TET3: variants seen among roughly 807,000 people sequenced by gnomAD.
The protein encoded by TET3 is tet methylcytosine dioxygenase 3, also known as methylcytosine dioxygenase TET3.
Under a neutral mutation model 141.4 loss-of-function variants are expected in TET3, and 19 were observed. That is an observed-to-expected ratio of 0.13 (90% CI 0.09 to 0.20). The LOEUF is 0.20. Among genes scored for constraint, TET3 ranks in the 10% least tolerant of loss-of-function variants. The probability of loss-of-function intolerance (pLI) is 1.00; values close to 1 mark genes in which losing one functional copy is unlikely to be tolerated. For synonymous variants in TET3, 1,043 were observed against 980.9 expected (o/e 1.06, Z -1.18); for missense variants, 1,874 against 2,356.9 (o/e 0.80, Z 4.24).
intron 2 of TET3, among the ~76,000 whole-genome samples, chr2:73,988,659 C>G (rs1204969861): frequency 6.6e-6 from 1 of 152,162 alleles, no homozygotes; most frequent in Non-Finnish European, 1.5e-5. Flanking sequence ...CCTCTCTAAG[C>G]CCCAGGGTCA....
chr2:74,080,293 G>T (rs1689737287), intron 5 of TET3, among the ~76,000 whole-genome samples: 1 of 152,232 alleles, frequency 6.6e-6, no homozygotes, highest in Non-Finnish European at 1.5e-5. Context: ...AGAAGGGGCA[G>T]GTGAACCTGG....
chr2:74,072,648 C>T (rs777631557), intron 4 of TET3, among the ~76,000 whole-genome samples: 2 of 152,018 alleles, frequency 1.3e-5, no homozygotes, highest in Non-Finnish European at 2.9e-5. Flanking sequence ...AGTTTAGTGG[C>T]ATTAATTACA....
the TET3 span, chr2:74,135,458 C>T: frequency 1.6e-6 from 2 of 1,278,702 alleles, no homozygotes; most frequent in South Asian, 1.2e-5. Context: ...ATAGATTATA[C>T]ATCTTCTATA....
At chr2:73,987,060 G>A (rs954485741) in intron 2 of TET3, among the ~76,000 whole-genome samples, 1 of 152,210 alleles carries the variant, frequency 6.6e-6, no homozygotes, top group Admixed American at 6.5e-5. Flanking sequence ...TGGTCAGTGA[G>A]GGTGTAAGAT....
intron 8 of TET3, among the ~76,000 whole-genome samples, chr2:74,092,261 A>G (rs1422541416): frequency 6.6e-6 from 1 of 152,196 alleles, no homozygotes; most frequent in East Asian, 1.9e-4. Flanking sequence ...AGATAATGCC[A>G]CTGCACCCCA....
intron 7 of TET3, among the ~76,000 whole-genome samples, 162 bp from the exon 8 acceptor site, chr2:74,089,735 A>C (rs1690371507): frequency 6.6e-6 from 1 of 152,218 alleles, no homozygotes; most frequent in African/African-American, 2.4e-5. Flanking sequence ...TTCCTACTCA[A>C]GGAAACTTGA....
chr2:74,007,094 A>C (rs1184104305), intron 3 of TET3, among the ~76,000 whole-genome samples: 5 of 152,216 alleles, frequency 3.3e-5, no homozygotes, highest in South Asian at 2.1e-4. Context: ...ATTCTCACAA[A>C]ACCATTGGAA....
chr2:74,059,893 AT>A (rs930563856), intron 4 of TET3, among the ~76,000 whole-genome samples: 3 of 151,994 alleles, frequency 2.0e-5, no homozygotes, highest in African/African-American at 7.2e-5. Flanking sequence ...ACAGCATTCC[AT>A]TTTTTGAATA....
chr2:74,090,702 G>A (rs185196294), intron 8 of TET3, among the ~76,000 whole-genome samples: 163 of 152,338 alleles, frequency 1.1e-3, no homozygotes, highest in African/African-American at 3.8e-3. Flanking sequence ...GGCTGTGGGG[G>A]CCGGAGCATC....
chr2:74,097,835 G>T (rs939632786), intron 10 of TET3, among the ~76,000 whole-genome samples: 1 of 152,134 alleles, frequency 6.6e-6, no homozygotes, highest in Non-Finnish European at 1.5e-5. Context: ...GGATTTGCTG[G>T]TTCATATATC....
At chr2:73,990,089 G>A (rs1300291538) in intron 2 of TET3, among the ~76,000 whole-genome samples, 1 of 151,922 alleles carries the variant, frequency 6.6e-6, no homozygotes, top group Non-Finnish European at 1.5e-5. Context: ...ATTAGTCTTC[G>A]AGCTGTAAAG....
At position 74,104,852 on chromosome 2, in the gene TET3, G is replaced by C; in HGVS notation, c.*2676G>C. On this transcript the variant is annotated 3_prime_UTR_variant, in exon 12 of 12. Coordinates refer to ENST00000409262, the MANE Select transcript of TET3 (RefSeq NM_001287491.2). ...TAGGAGATAGGCTGCTGAGAGGTGAGTCAAGAGGCAGTCTCCATTGGATGT... is the reference window on the plus strand; with the variant it reads ...TAGGAGATAGGCTGCTGAGAGGTGACTCAAGAGGCAGTCTCCATTGGATGT... 3.9e-6 allele frequency: 1 copy of C among 256,388 alleles called. No individual in the cohort carries two copies. 15.9% of individuals were successfully genotyped at this position (256,388 alleles called of 1,614,324 possible).
At chr2:74,109,951 T>G (rs918142810), downstream of TET3, among the ~76,000 whole-genome samples, 2 of 152,204 alleles carry the variant, frequency 1.3e-5, no homozygotes, top group African/African-American at 2.4e-5. Context: ...ATTGTGTGAT[T>G]TGATGAGGGT....
At chr2:74,115,074 A>G in the TET3 span, among the ~76,000 whole-genome samples, 2 of 152,062 alleles carry the variant, frequency 1.3e-5, no homozygotes, top group African/African-American at 4.8e-5. Context: ...CCTCAAAAGC[A>G]CAGGCAATAA....
chr2:74,040,779 C>T (rs1196081535), intron 3 of TET3, among the ~76,000 whole-genome samples: 1 of 152,150 alleles, frequency 6.6e-6, no homozygotes, highest in Admixed American at 6.5e-5. Context: ...CATGGTGGTG[C>T]ATACCTGTGG....
In TET3 at chr2:74,103,152, T is replaced by C. The variant is rs1691326306; in HGVS notation, c.*976T>C. The C allele has an allele frequency of 6.6e-6, 1 of 152,216 alleles. No homozygotes were observed. Among genetic ancestry groups the C allele is most frequent in the African/African-American group, 2.4e-5 (1 of 41,450 alleles). The allele number at this position is 152,216 out of a possible 1,614,324, so 9.4% of individuals were successfully genotyped here. On this transcript the variant is annotated 3_prime_UTR_variant, in exon 12 of 12. Transcript: ENST00000409262. ...GAAGGAATTTGTCTTAGTGGCAGTT[T>C]TTTAAAAAATGCCCCCAAAGTCTAT...
intron 2 of TET3, chr2:74,002,697 C>T (rs1684922234): frequency 4.6e-6 from 2 of 430,278 alleles, no homozygotes; most frequent in Non-Finnish European, 8.1e-6. Context: ...GGAGCGCAGC[C>T]GGCAGCTGGC....
chr2:74,002,941 G>T, intron 2 of TET3, 169 bp from the exon 3 acceptor site: 1 of 657,874 alleles, frequency 1.5e-6, no homozygotes, highest in Non-Finnish European at 2.7e-6. Flanking sequence ...CCGTGATCCA[G>T]GCGGCAGCTG....
At chr2:73,999,856 C>T (rs1470374870) in intron 2 of TET3, among the ~76,000 whole-genome samples, 1 of 152,056 alleles carries the variant, frequency 6.6e-6, no homozygotes, top group African/African-American at 2.4e-5. Flanking sequence ...TCCCTTGAGC[C>T]CCGGCATTCC....
Sources: gnomAD v4.1 joint callset for allele counts (sites outside exome capture counted in the v4.1 genomes callset) on GRCh38, gnomAD v4.1.1 for gene constraint, MANE v1.5 for transcripts, NCBI Gene and HGNC (gene_info 2026-07-23, HGNC 2026-07-21) for gene names.